Variants in NEK4 observed in about 807,000 individuals in gnomAD.
NEK4 encodes the protein NIMA related kinase 4, also known as serine/threonine-protein kinase Nek4.
A neutral mutation model predicts 98.4 loss-of-function variants in NEK4; 86 were observed. The ratio of observed to expected loss-of-function variants is 0.87; its 90% CI spans 0.73 to 1.05. The LOEUF is 1.05. Ranked by LOEUF, NEK4 falls within the 50% of genes least tolerant of loss-of-function variation. The pLI, the probability that NEK4 is intolerant of heterozygous loss-of-function variation, is 0.00. For missense variants in NEK4, 898 were observed against 950.3 expected, an observed-to-expected ratio of 0.94 and a Z score of 0.72; for synonymous variants, 328 against 342.2, an observed-to-expected ratio of 0.96 and a Z score of 0.46.
chr3:52,737,418 T>C, intron 15 of NEK4, 168 bp downstream of exon 15: 1 of 611,122 alleles, frequency 1.6e-6, no homozygotes, highest in Non-Finnish European at 2.7e-6. Context: ...GTAATGAAAA[T>C]GTTCTAATAT....
In NEK4 at chr3:52,734,394, G is replaced by A. The variant is rs533968709; in HGVS notation, c.2433+3192C>T. ...GAACCCAGGAGGCGGAGGTTGCGGT[G>A]AGCCAATATCATGCCACTGCACTCC... On this transcript the variant is annotated intron_variant, in intron 15 of 15. Coordinates refer to ENST00000233027, the MANE Select transcript of NEK4 (RefSeq NM_003157.6). 4.1e-5 allele frequency among the ~76,000 whole-genome samples: 6 copies of A among 146,162 alleles called. No individual in the cohort carries two copies. The East Asian group carries it at 1.2e-3, about 30-fold the overall frequency.
Position 52,739,667 on chromosome 3 carries a change from T to C in NEK4, c.2094-33A>G, listed in dbSNP as rs377171480. On this transcript the variant is annotated intron_variant, in intron 13 of 15. Coordinates refer to ENST00000233027, the MANE Select transcript of NEK4 (RefSeq NM_003157.6). Reference sequence around the variant, plus strand: ...AAAAAAATATCCCTTTGTTATTTAATTGGCTTCATGAGAATTTTTCATTAA... The same window carrying C: ...AAAAAAATATCCCTTTGTTATTTAACTGGCTTCATGAGAATTTTTCATTAA... The C allele has an allele frequency of 7.1e-6, 11 of 1,559,016 alleles. No homozygotes were observed. The African/African-American group carries it at 1.2e-4, about 17-fold the overall frequency.
chr3:52,751,821 T>G lies in NEK4; in HGVS notation c.1368+111A>C, dbSNP rs1009772123. 60 of 1,054,770 alleles carry G rather than the reference T, an allele frequency of 5.7e-5. 1 individual carries two copies. The African/African-American group carries it at 8.9e-4, about 16-fold the overall frequency. 65.3% of individuals were successfully genotyped at this position (1,054,770 alleles called of 1,614,324 possible). On this transcript the variant is annotated intron_variant, in intron 7 of 15. Transcript: ENST00000233027. Reference sequence around the variant, plus strand: ...TGCAAATATTCTTCTATGTTTAAACTGATACATAGAATTACTGATTTTCCT... The same window carrying G: ...TGCAAATATTCTTCTATGTTTAAACGGATACATAGAATTACTGATTTTCCT...
intron 15 of NEK4, among the ~76,000 whole-genome samples, chr3:52,734,357 G>A (rs1184133723): frequency 6.6e-6 from 1 of 151,292 alleles, no homozygotes; most frequent in Middle Eastern, 3.2e-3. Context: ...GGCTGAGGCA[G>A]GAGAATTGCT....
Position 52,744,217 on chromosome 3 carries a change from GAAGAA to G in NEK4, c.1894+17_1894+21del. The G allele has an allele frequency of 6.3e-7, 1 of 1,590,386 alleles. No individual in the cohort carries two copies. Among genetic ancestry groups the G allele is most frequent in the Admixed American group, 1.7e-5 (1 of 59,978 alleles). On this transcript the variant is annotated intron_variant, in intron 11 of 15. Transcript: ENST00000233027. ...CCATACCCCTAACTGCCAATTAGAT[GAAGAA>G]AAGAAGTCAACTTTACCTGAAGAGG...
chr3:52,742,920 G>C (rs1207512555), intron 12 of NEK4, among the ~76,000 whole-genome samples: 3 of 152,156 alleles, frequency 2.0e-5, no homozygotes, highest in Admixed American at 2.0e-4. Context: ...CTCCCGAGTG[G>C]CTGGGACTAC....
intron 15 of NEK4, among the ~76,000 whole-genome samples, chr3:52,720,321 T>C (rs2097358960): frequency 6.6e-6 from 1 of 151,684 alleles, no homozygotes. Flanking sequence ...AGCAAGACTC[T>C]GTCTCAAAAA....
chr3:52,736,487 G>A (rs1317820478), intron 15 of NEK4, among the ~76,000 whole-genome samples: 1 of 151,954 alleles, frequency 6.6e-6, no homozygotes, highest in Non-Finnish European at 1.5e-5. Context: ...TCGGGAGGCT[G>A]AGGCAGGAGA....
chr3:52,709,032 C>G lies in NEK4; in HGVS notation c.*2745G>C, dbSNP rs544835885. ...GAAACTCCATCTCTACTAAAAATAA[C>G]GAAAATCAGCCAGGCATGGTGGTGT... On this transcript the variant is annotated 3_prime_UTR_variant, in exon 16 of 16. Coordinates refer to ENST00000233027, the MANE Select transcript of NEK4 (RefSeq NM_003157.6). 2.0e-5 allele frequency: 3 copies of G among 151,728 alleles called. No homozygotes were observed. Among genetic ancestry groups the G allele is most frequent in the African/African-American group, 7.3e-5 (3 of 41,258 alleles). 9.4% of individuals were successfully genotyped at this position (151,728 alleles called of 1,614,324 possible). A position where few individuals can be genotyped will look rare whatever the true frequency, so the allele number is the denominator to read the frequency against.
At chr3:52,751,832 A>T (rs916657113) in intron 7 of NEK4, 100 bp downstream of exon 7, 2 of 1,153,444 alleles carry the variant, frequency 1.7e-6, no homozygotes, top group Non-Finnish European at 2.5e-6. Context: ...GATACATAGA[A>T]TTACTGATTT....
chr3:52,715,032 C>A (rs2097353886), intron 15 of NEK4, among the ~76,000 whole-genome samples: 1 of 152,224 alleles, frequency 6.6e-6, no homozygotes, highest in African/African-American at 2.4e-5. Flanking sequence ...GGGCCCCGGG[C>A]AGGAGGCAGA....
intron 15 of NEK4, among the ~76,000 whole-genome samples, chr3:52,717,342 G>A (rs891736640): frequency 1.3e-5 from 2 of 151,382 alleles, no homozygotes; most frequent in African/African-American, 4.9e-5. Flanking sequence ...AGCAGGCAGA[G>A]GTTGCAGTGA....
chr3:52,740,893 T>C (rs764005182), intron 13 of NEK4, among the ~76,000 whole-genome samples: 1 of 151,856 alleles, frequency 6.6e-6, no homozygotes, highest in Non-Finnish European at 1.5e-5. Context: ...ATACATGTAA[T>C]TGGAATCCCT....
rs866548949 is a variant in NEK4 at position 52,770,743 on chromosome 3, G to A, written c.4C>T (p.Pro2Ser). 1.3e-6 allele frequency: 2 copies of A among 1,564,772 alleles called. No homozygotes were observed. Among genetic ancestry groups the A allele is most frequent in the African/African-American group, 1.4e-5 (1 of 73,660 alleles). Reference protein sequence around the residue: MPLAAYCYLRVV... With the variant: MSLAAYCYLRVV... Reference sequence around the variant, plus strand: ...CGCAGGTAGCAGTAGGCGGCCAGGGGCATGTTCCCAGCGCTGGCCCAGAGT... The same window carrying A: ...CGCAGGTAGCAGTAGGCGGCCAGGGACATGTTCCCAGCGCTGGCCCAGAGT... The change falls in exon 1 of 16, where the codon CCC (proline) becomes TCC (serine). Residue 2 changes from proline (P) to serine (S), a missense_variant. By Grantham distance (74) the Pro-to-Ser change is moderately conservative. Coordinates refer to ENST00000233027, the MANE Select transcript of NEK4 (RefSeq NM_003157.6).
intron 12 of NEK4, among the ~76,000 whole-genome samples, chr3:52,742,207 A>G (rs2097387574): frequency 6.6e-6 from 1 of 151,960 alleles, no homozygotes; most frequent in Non-Finnish European, 1.5e-5. Flanking sequence ...TGGCATTTTA[A>G]ATTACCTAGG....
chr3:52,764,285 C>CA (rs558340378), intron 4 of NEK4, among the ~76,000 whole-genome samples: 7,646 of 84,950 alleles, frequency 0.09, 654 homozygotes, highest in African/African-American at 0.26. Context: ...GACTCTGTCT[C>CA]AAAAAAAAAA....
At chr3:52,725,529 A>AC (rs200099236) in intron 15 of NEK4, among the ~76,000 whole-genome samples, 18 of 130,744 alleles carry the variant, frequency 1.4e-4, no homozygotes, top group African/African-American at 4.1e-4. Context: ...AACAAAACAA[A>AC]ACAAAAAAAA....
chr3:52,758,147 C>G (rs1698201833), intron 6 of NEK4, among the ~76,000 whole-genome samples: 1 of 142,184 alleles, frequency 7.0e-6, no homozygotes, highest in Non-Finnish European at 1.5e-5. Flanking sequence ...CCACTGCACT[C>G]CAGCCTGGGT....
In NEK4 at chr3:52,752,350, T is replaced by A; in HGVS notation, c.964-14A>T. On this transcript the variant is annotated splice_polypyrimidine_tract_variant and intron_variant, in intron 6 of 15. Transcript: ENST00000233027. ...TTTGCCTTCACCCTGAATGAAAAGATGTTTGGAAATTATTATAGCACTCCT... is the reference window on the plus strand; with the variant it reads ...TTTGCCTTCACCCTGAATGAAAAGAAGTTTGGAAATTATTATAGCACTCCT... The A allele has an allele frequency of 1.2e-6, 2 of 1,602,796 alleles. No homozygotes were observed. The highest frequency in any genetic ancestry group is 1.7e-6 in the Non-Finnish European group (2 of 1,174,496).
Sources: gnomAD v4.1 joint callset for allele counts (sites outside exome capture counted in the v4.1 genomes callset) on GRCh38, gnomAD v4.1.1 for gene constraint, MANE v1.5 for transcripts, NCBI Gene and HGNC (gene_info 2026-07-23, HGNC 2026-07-21) for gene names.